Variants in SH3PXD2B observed in about 807,000 individuals in gnomAD.
SH3PXD2B encodes the protein SH3 and PX domain-containing protein 2B.
Under a neutral mutation model 73.1 loss-of-function variants are expected in SH3PXD2B, and 37 were observed. The ratio of observed to expected loss-of-function variants is 0.51; its 90% CI spans 0.39 to 0.67. SH3PXD2B has a LOEUF of 0.67. SH3PXD2B is among the 30% of genes least tolerant of loss of function. The pLI is 0.00. For synonymous variants in SH3PXD2B, 457 were observed against 480.5 expected (o/e 0.95, Z 0.64); for missense variants, 1,053 against 1,197.8 (o/e 0.88, Z 1.78).
chr5:172,449,194 G>C (rs1759740912), intron 1 of SH3PXD2B, among the ~76,000 whole-genome samples: 1 of 152,156 alleles, frequency 6.6e-6, no homozygotes, highest in Non-Finnish European at 1.5e-5. Context: ...ATGACTAAGG[G>C]CTGGCGGTGG....
chr5:172,422,412 T>C lies in SH3PXD2B; in HGVS notation c.156+4A>G. 1.2e-6 allele frequency: 2 copies of C among 1,606,588 alleles called. No individual in the cohort carries two copies. The highest frequency in any genetic ancestry group is 1.7e-6 in the Non-Finnish European group (2 of 1,177,000). ...GCAGCTCACCAGAGACCTCAAATCC[T>C]TACCTGGAGGTCAAAAAACTTGCTG... On this transcript the variant is annotated splice_donor_region_variant and intron_variant, in intron 2 of 12. Coordinates refer to ENST00000311601, the MANE Select transcript of SH3PXD2B (RefSeq NM_001017995.3).
At position 172,412,815 on chromosome 5, in the gene SH3PXD2B, TC is replaced by T. The variant is rs552712299; in HGVS notation, c.157-6464del. ...TAATGAGAAAACCCACTACCCGCGC[TC>T]CCCCCAGATAACAAAAGAAGTGGCG... On this transcript the variant is annotated intron_variant, in intron 2 of 12. Transcript: ENST00000311601. Among the ~76,000 whole-genome samples the T allele has an allele frequency of 4.1e-3, 625 of 151,252 alleles. 6 individuals carry two copies. Among genetic ancestry groups the T allele is most frequent in the Non-Finnish European group, 6.4e-3 (436 of 67,838 alleles).
intron 2 of SH3PXD2B, among the ~76,000 whole-genome samples, chr5:172,411,597 C>G (rs1222325098): frequency 3.3e-5 from 5 of 152,182 alleles, no homozygotes; most frequent in Non-Finnish European, 5.9e-5. Context: ...CACTTCATCC[C>G]TGAGCCTGTT....
chr5:172,337,727 G>A lies in SH3PXD2B; in HGVS notation c.*642C>T, dbSNP rs192181401. ...ACGGTCCCAAGATAGAAGGTGGGAGGCAGGGCGGCTGAGCGGATCTCCAGG... is the reference window on the plus strand; with the variant it reads ...ACGGTCCCAAGATAGAAGGTGGGAGACAGGGCGGCTGAGCGGATCTCCAGG... On this transcript the variant is annotated 3_prime_UTR_variant, in exon 13 of 13. Coordinates refer to ENST00000311601, the MANE Select transcript of SH3PXD2B (RefSeq NM_001017995.3). 744 of 992,916 alleles carry A rather than the reference G, an allele frequency of 7.5e-4. 3 individuals carry two copies. The African/African-American group carries it at 0.012, about 16-fold the overall frequency. The allele number at this position is 992,916 out of a possible 1,614,324, so 61.5% of individuals were successfully genotyped here. A position where few individuals can be genotyped will look rare whatever the true frequency, so the allele number is the denominator to read the frequency against.
At chr5:172,332,851 T>G (rs1054402821), downstream of SH3PXD2B, among the ~76,000 whole-genome samples, 1 of 151,874 alleles carries the variant, frequency 6.6e-6, no homozygotes, top group African/African-American at 2.4e-5. Context: ...GGCAGTGTGC[T>G]CCACCTCCCA....
At chr5:172,390,547 C>T (rs1758158565) in intron 4 of SH3PXD2B, among the ~76,000 whole-genome samples, 1 of 152,164 alleles carries the variant, frequency 6.6e-6, no homozygotes, top group Non-Finnish European at 1.5e-5. Flanking sequence ...CTGTGGCACG[C>T]TCCCAGTGCC....
chr5:172,358,744 A>C, intron 8 of SH3PXD2B, 29 bp downstream of exon 8: 2 of 1,588,916 alleles, frequency 1.3e-6, no homozygotes, highest in East Asian at 2.3e-5. Context: ...GGTCCTCCCC[A>C]GTGAGCAGAG....
At position 172,353,215 on chromosome 5, in the gene SH3PXD2B, C is replaced by T. The variant is rs375034840; in HGVS notation, c.785+673G>A. Reference sequence around the variant, plus strand: ...CCTCCTGGAAATGGCCCGAATGTCCCGCCACACATCACAGCGCAGACACTA... The same window carrying T: ...CCTCCTGGAAATGGCCCGAATGTCCTGCCACACATCACAGCGCAGACACTA... On this transcript the variant is annotated intron_variant, in intron 9 of 12. Coordinates refer to ENST00000311601, the MANE Select transcript of SH3PXD2B (RefSeq NM_001017995.3). The surrounding 1 kb of genome is among the most constrained non-coding windows in gnomAD (Gnocchi z 4.3). Among the ~76,000 whole-genome samples the T allele has an allele frequency of 9.2e-5, 14 of 152,298 alleles. No homozygotes were observed. The highest frequency in any genetic ancestry group is 8.3e-4 in the South Asian group (4 of 4,828).
At chr5:172,427,376 C>T (rs1581331275) in intron 1 of SH3PXD2B, among the ~76,000 whole-genome samples, 1 of 152,226 alleles carries the variant, frequency 6.6e-6, no homozygotes, top group Non-Finnish European at 1.5e-5. Flanking sequence ...GATGAGGTCT[C>T]GCTCTGTCAC....
chr5:172,371,969 A>T (rs2113349934), intron 6 of SH3PXD2B, among the ~76,000 whole-genome samples: 1 of 152,310 alleles, frequency 6.6e-6, no homozygotes, highest in South Asian at 2.1e-4. Flanking sequence ...AGTACCTATT[A>T]AACTAGAAAG....
At chr5:172,412,489 T>C (rs551691607) in intron 2 of SH3PXD2B, among the ~76,000 whole-genome samples, 1 of 152,336 alleles carries the variant, frequency 6.6e-6, no homozygotes, top group South Asian at 2.1e-4. Context: ...TTAAACCACA[T>C]CCAATTTTAT....
chr5:172,432,319 C>G (rs1038443581), intron 1 of SH3PXD2B, among the ~76,000 whole-genome samples: 3 of 152,206 alleles, frequency 2.0e-5, no homozygotes, highest in Non-Finnish European at 1.5e-5. Context: ...GCTCACCAGA[C>G]AGCATGTTAG....
chr5:172,385,156 G>A (rs1050929964), intron 4 of SH3PXD2B, among the ~76,000 whole-genome samples: 2 of 152,098 alleles, frequency 1.3e-5, no homozygotes, highest in African/African-American at 4.8e-5. Flanking sequence ...CCCTCCCCAT[G>A]GGCCTCTTTT....
intron 4 of SH3PXD2B, among the ~76,000 whole-genome samples, chr5:172,385,381 C>G (rs2113379773): frequency 1.3e-5 from 2 of 152,262 alleles, no homozygotes; most frequent in Middle Eastern, 6.8e-3. Context: ...GGAAGGCTGG[C>G]CCATTTAAGA....
chr5:172,337,615 C>G lies in SH3PXD2B; in HGVS notation c.*754G>C. ...GAAATGCTCCAAGTTGGGGTGGGAA[C>G]TCTCATTGAAAAGCCCTGGAGGGAC... On this transcript the variant is annotated 3_prime_UTR_variant, in exon 13 of 13. Coordinates refer to ENST00000311601, the MANE Select transcript of SH3PXD2B (RefSeq NM_001017995.3). 7.1e-6 allele frequency: 7 copies of G among 985,440 alleles called. No homozygotes were observed. Among genetic ancestry groups the G allele is most frequent in the Non-Finnish European group, 8.4e-6 (7 of 830,006 alleles). The allele number at this position is 985,440 out of a possible 1,614,324, so 61.0% of individuals were successfully genotyped here. A position where few individuals can be genotyped will look rare whatever the true frequency, so the allele number is the denominator to read the frequency against.
At chr5:172,419,148 G>A (rs921308966) in intron 2 of SH3PXD2B, among the ~76,000 whole-genome samples, 3 of 152,170 alleles carry the variant, frequency 2.0e-5, no homozygotes, top group African/African-American at 7.2e-5. Context: ...GCCCTGAACA[G>A]GCAAAGCTGA....
chr5:172,411,554 CT>C (rs1284249872), intron 2 of SH3PXD2B, among the ~76,000 whole-genome samples: 5 of 152,322 alleles, frequency 3.3e-5, no homozygotes, highest in Non-Finnish European at 7.4e-5. Context: ...AATCCTGATG[CT>C]TCCTCATGCC....
chr5:172,344,998 G>A (rs1323579957), intron 12 of SH3PXD2B, among the ~76,000 whole-genome samples: 1 of 150,766 alleles, frequency 6.6e-6, no homozygotes, highest in African/African-American at 2.4e-5. Flanking sequence ...AGGAAGGAGG[G>A]AGGAAAGAGA....
intron 1 of SH3PXD2B, among the ~76,000 whole-genome samples, chr5:172,434,793 T>TTGTTTTTGTTTTTG (rs1561581314): frequency 3.3e-5 from 5 of 151,204 alleles, no homozygotes; most frequent in Admixed American, 6.6e-5. Context: ...TTTTTTTTTT[T>TTGTTTTTGTTTTTG]TTTTTTTTCA....
Sources: allele counts gnomAD v4.1 joint callset (sites outside exome capture counted in the v4.1 genomes callset), GRCh38; gene constraint gnomAD v4.1.1; non-coding constraint Gnocchi (gnomAD v3.1); transcripts MANE v1.5; gene names NCBI Gene and HGNC (gene_info 2026-07-23, HGNC 2026-07-21).